Variants in NTM observed in about 807,000 individuals in gnomAD.
NTM encodes neurotrimin, also known as IgLON family member 2.
A neutral mutation model predicts 42.1 loss-of-function variants in NTM; 13 were observed. The observed-to-expected ratio is 0.31, with a 90% CI of 0.20 to 0.49. The LOEUF is 0.49. Ranked by LOEUF, NTM falls within the 20% of genes least tolerant of loss-of-function variation. The pLI, the probability that NTM is intolerant of heterozygous loss-of-function variation, is 0.99. For synonymous variants in NTM, 187 were observed against 179.2 expected (o/e 1.04, Z -0.35); for missense variants, 373 against 452.8 (o/e 0.82, Z 1.60).
chr11:131,828,349 A>T (rs1422888684), intron 1 of NTM, among the ~76,000 whole-genome samples: 1 of 151,862 alleles, frequency 6.6e-6, no homozygotes, highest in Non-Finnish European at 1.5e-5. Context: ...TCACTACCAC[A>T]ATCATCACCA....
chr11:132,219,638 A>G (rs4595554), intron 4 of NTM, among the ~76,000 whole-genome samples: 1 of 151,200 alleles, frequency 6.6e-6, no homozygotes, highest in Non-Finnish European at 1.5e-5. Flanking sequence ...CTCCCCCCCC[A>G]CTGTCTTCCT....
chr11:131,942,616 C>T (rs534787495), intron 2 of NTM, among the ~76,000 whole-genome samples: 1 of 152,178 alleles, frequency 6.6e-6, no homozygotes, highest in South Asian at 2.1e-4. Context: ...GAAGATGATG[C>T]AGAAGGGGGG....
chr11:132,120,049 A>C (rs1470056490), intron 2 of NTM, among the ~76,000 whole-genome samples: 1 of 152,214 alleles, frequency 6.6e-6, no homozygotes, highest in Non-Finnish European at 1.5e-5. Flanking sequence ...ATTGCACGCG[A>C]ATCAGGACCC....
chr11:131,401,822 A>ATGTGTGTG lies in NTM; in HGVS notation c.82+30935_82+30936insGTGTGTGT, dbSNP rs1555101761. 3.5e-5 allele frequency among the ~76,000 whole-genome samples: 2 copies of ATGTGTGTG among 57,876 alleles called. 1 individual carries two copies. The highest frequency in any genetic ancestry group is 1.4e-4 in the African/African-American group (2 of 14,044). The allele number at this position is 57,876 out of a possible 152,430, so 38.0% of individuals were successfully genotyped here. ...GAAATATATATATATATATATATAT[A>ATGTGTGTG]TATATATATATATATATATATATAT... On this transcript the variant is annotated intron_variant, in intron 1 of 8. Coordinates refer to ENST00000683400, the MANE Select transcript of NTM (RefSeq NM_001352005.2).
intron 1 of NTM, among the ~76,000 whole-genome samples, chr11:131,629,566 C>T (rs2063457876): frequency 6.6e-6 from 1 of 152,192 alleles, no homozygotes; most frequent in Non-Finnish European, 1.5e-5. Context: ...GCCTCTTACT[C>T]ACACTTATCT....
chr11:131,453,837 A>C (rs1950667321), intron 1 of NTM, among the ~76,000 whole-genome samples: 1 of 152,222 alleles, frequency 6.6e-6, no homozygotes, highest in South Asian at 2.1e-4. Context: ...TGTCCCTCCC[A>C]CACCAGCAGG....
At chr11:131,495,987 A>G (rs958426354) in intron 1 of NTM, among the ~76,000 whole-genome samples, 14 of 152,168 alleles carry the variant, frequency 9.2e-5, no homozygotes, top group Non-Finnish European at 1.5e-4. Flanking sequence ...TTCTTTTCCA[A>G]CTCTGCCGAA....
intron 1 of NTM, among the ~76,000 whole-genome samples, chr11:131,400,304 G>A (rs1944995653): frequency 6.6e-6 from 1 of 152,116 alleles, no homozygotes; most frequent in African/African-American, 2.4e-5. Flanking sequence ...CTTTTGTGAG[G>A]GCTCTGCTGG....
chr11:131,691,540 C>T (rs1054421194), intron 1 of NTM, among the ~76,000 whole-genome samples: 24 of 148,522 alleles, frequency 1.6e-4, no homozygotes, highest in South Asian at 4.2e-4. Flanking sequence ...GGACTCCATC[C>T]CCTTGTCTTC....
At chr11:132,313,728 G>A (rs934170498) in intron 6 of NTM, among the ~76,000 whole-genome samples, 2 of 152,084 alleles carry the variant, frequency 1.3e-5, no homozygotes, top group Non-Finnish European at 2.9e-5. Context: ...TTATCTGCCT[G>A]GTAATAGAAT....
intron 2 of NTM, among the ~76,000 whole-genome samples, chr11:132,053,087 G>T (rs1028457392): frequency 4.6e-5 from 7 of 152,058 alleles, no homozygotes; most frequent in South Asian, 2.1e-4. Context: ...GTGGTATACC[G>T]ATCACAACAA....
In NTM at chr11:131,813,572, A is replaced by G. The variant is rs143562234; in HGVS notation, c.83-97992A>G. Among the ~76,000 whole-genome samples the G allele has an allele frequency of 3.3e-4, 51 of 152,352 alleles. No homozygotes were observed. The East Asian group carries it at 8.9e-3, about 26-fold the overall frequency. ...TGAGCTTTATCTTAAAGAATGGTTAAGACTTTTCCATAGGTAGATGTTACA... is the reference window on the plus strand; with the variant it reads ...TGAGCTTTATCTTAAAGAATGGTTAGGACTTTTCCATAGGTAGATGTTACA... On this transcript the variant is annotated intron_variant, in intron 1 of 8. Coordinates refer to ENST00000683400, the MANE Select transcript of NTM (RefSeq NM_001352005.2).
At chr11:131,738,081 G>A (rs1178487899) in intron 1 of NTM, among the ~76,000 whole-genome samples, 1 of 152,124 alleles carries the variant, frequency 6.6e-6, no homozygotes, top group African/African-American at 2.4e-5. Context: ...AAGTTGCCAG[G>A]CTCACCAAGA....
intron 2 of NTM, among the ~76,000 whole-genome samples, chr11:132,131,665 G>A (rs1591713991): frequency 6.6e-6 from 1 of 152,184 alleles, no homozygotes; most frequent in Admixed American, 6.5e-5. Flanking sequence ...CAAGGTCCTG[G>A]CATGTTCTTC....
intron 2 of NTM, among the ~76,000 whole-genome samples, chr11:132,016,359 C>T (rs1036385312): frequency 6.6e-6 from 1 of 151,932 alleles, no homozygotes. Context: ...TTTCTAACCC[C>T]AGCCTTAGGC....
intron 7 of NTM, among the ~76,000 whole-genome samples, chr11:132,319,439 C>T (rs539794868): frequency 1.9e-4 from 29 of 152,334 alleles, no homozygotes; most frequent in Middle Eastern, 3.4e-3. Context: ...GCTTTTCCAA[C>T]GGGCTTAAAA....
chr11:132,139,680 G>C (rs1028604881), intron 2 of NTM, among the ~76,000 whole-genome samples: 3 of 152,184 alleles, frequency 2.0e-5, no homozygotes, highest in Non-Finnish European at 4.4e-5. Flanking sequence ...GGTGTTGGGG[G>C]AGATGTGTGC....
At chr11:132,292,527 C>A (rs1426273585) in intron 4 of NTM, among the ~76,000 whole-genome samples, 1 of 151,992 alleles carries the variant, frequency 6.6e-6, no homozygotes, top group Non-Finnish European at 1.5e-5. Context: ...GAAAAATGAA[C>A]CTTGAGAGTG....
intron 3 of NTM, among the ~76,000 whole-genome samples, chr11:132,210,218 T>C (rs1335496825): frequency 6.6e-6 from 1 of 152,140 alleles, no homozygotes; most frequent in African/African-American, 2.4e-5. Context: ...GGAATAGTTA[T>C]TCAAGGAAAG....
Sources: allele counts gnomAD v4.1 joint callset (sites outside exome capture counted in the v4.1 genomes callset), GRCh38; gene constraint gnomAD v4.1.1; transcripts MANE v1.5; gene names NCBI Gene and HGNC (gene_info 2026-07-23, HGNC 2026-07-21).